Variants in RPS6KA5 observed in about 807,000 individuals in gnomAD.
RPS6KA5 encodes the protein ribosomal protein S6 kinase alpha-5.
Under a neutral mutation model 85.5 loss-of-function variants are expected in RPS6KA5, and 27 were observed. That is an observed-to-expected ratio of 0.32 (90% CI 0.23 to 0.44). The LOEUF (loss-of-function observed/expected upper bound fraction) is 0.44, where lower values mean the gene tolerates loss of function less well. Ranked by LOEUF, RPS6KA5 falls within the 20% of genes least tolerant of loss-of-function variation. The pLI, the probability that RPS6KA5 is intolerant of heterozygous loss-of-function variation, is 1.00. For synonymous variants in RPS6KA5, 334 were observed against 348.2 expected (o/e 0.96, Z 0.46); for missense variants, 811 against 980.9 (o/e 0.83, Z 2.31).
chr14:91,001,231 G>GT, intron 1 of RPS6KA5, 72 bp from the exon 2 acceptor site: 1 of 888,530 alleles, frequency 1.1e-6, no homozygotes, highest in Non-Finnish European at 1.8e-6. Flanking sequence ...GGATTCTTGT[G>GT]TACCAGCGAC....
intron 3 of RPS6KA5, among the ~76,000 whole-genome samples, chr14:90,950,004 C>T (rs2038088397): frequency 6.6e-6 from 1 of 152,164 alleles, no homozygotes; most frequent in African/African-American, 2.4e-5. Flanking sequence ...GTACAGCAAA[C>T]TCTATGAACT....
At chr14:90,880,170 T>C (rs949919896) in intron 14 of RPS6KA5, among the ~76,000 whole-genome samples, 2 of 152,210 alleles carry the variant, frequency 1.3e-5, no homozygotes, top group African/African-American at 4.8e-5. Context: ...TTTAAGTGTA[T>C]AGTTCGATGG....
At chr14:90,955,575 T>C (rs1388417117) in intron 3 of RPS6KA5, among the ~76,000 whole-genome samples, 1 of 152,230 alleles carries the variant, frequency 6.6e-6, no homozygotes, top group Admixed American at 6.5e-5. Context: ...TTTTTGTTAT[T>C]GATTTCTTTT....
At chr14:91,013,126 T>C (rs1259108595) in intron 1 of RPS6KA5, among the ~76,000 whole-genome samples, 2 of 152,152 alleles carry the variant, frequency 1.3e-5, no homozygotes, top group Admixed American at 6.5e-5. Context: ...AATTCTGGTG[T>C]CCACTGATGC....
At chr14:91,000,804 A>AT in intron 2 of RPS6KA5, among the ~76,000 whole-genome samples, 1 of 151,900 alleles carries the variant, frequency 6.6e-6, no homozygotes, top group African/African-American at 2.4e-5. Flanking sequence ...TCCGTCTCAA[A>AT]AAAAATAAAA....
At chr14:90,914,874 T>C (rs2036029150) in intron 7 of RPS6KA5, among the ~76,000 whole-genome samples, 1 of 152,176 alleles carries the variant, frequency 6.6e-6, no homozygotes, top group Admixed American at 6.5e-5. Context: ...TGTAGACGAA[T>C]GTGTAGATGA....
intron 14 of RPS6KA5, among the ~76,000 whole-genome samples, chr14:90,876,536 G>A (rs901184216): frequency 2.0e-5 from 3 of 152,208 alleles, no homozygotes; most frequent in Non-Finnish European, 4.4e-5. Context: ...AGCAGAGATT[G>A]GATTTTAGAA....
intron 2 of RPS6KA5, among the ~76,000 whole-genome samples, chr14:90,998,925 T>C (rs2040652776): frequency 6.6e-6 from 1 of 152,216 alleles, no homozygotes; most frequent in African/African-American, 2.4e-5. Context: ...ACAGCTTACA[T>C]AAGCGAACTT....
At chr14:90,898,943 T>A (rs939733684) in intron 12 of RPS6KA5, among the ~76,000 whole-genome samples, 10 of 152,074 alleles carry the variant, frequency 6.6e-5, no homozygotes, top group African/African-American at 2.4e-4. Context: ...ACTCTAGAAG[T>A]GAAAGGGAAG....
chr14:91,002,696 A>G (rs1288235478), intron 1 of RPS6KA5, among the ~76,000 whole-genome samples: 2 of 152,170 alleles, frequency 1.3e-5, no homozygotes, highest in African/African-American at 4.8e-5. Context: ...CACCTTAACC[A>G]TTTTTAAGTA....
At chr14:90,986,576 T>C (rs2040063273) in intron 2 of RPS6KA5, among the ~76,000 whole-genome samples, 1 of 152,236 alleles carries the variant, frequency 6.6e-6, no homozygotes, top group African/African-American at 2.4e-5. Flanking sequence ...TCTTAACTGC[T>C]GGAGTTAATG....
In RPS6KA5 at chr14:90,872,195, G is replaced by A. The variant is rs2033160824; in HGVS notation, c.2288C>T (p.Ser763Phe). The A allele has an allele frequency of 6.2e-7, 1 of 1,613,896 alleles. No individual in the cohort carries two copies. Among genetic ancestry groups the A allele is most frequent in the Non-Finnish European group, 8.5e-7 (1 of 1,179,972 alleles). ...GTGAGAATGAGAGGAAGAAGAATGG[G>A]AACTCTCACTGGAACTGCTGCGCGT... is the stretch of plus-strand genomic sequence containing the variant. The part of the protein sequence containing the change: ...TETRSSSSES[S>F]HSSSSHSHGK... The change falls in exon 17 of 17, where the codon TCC (serine) becomes TTC (phenylalanine). Residue 763 changes from serine (S) to phenylalanine (F), a missense_variant. Ser to Phe is a radical substitution (Grantham distance 155). This residue lies in a region of RPS6KA5 where 650 missense variants were observed against 793.4 expected (regional missense o/e 0.82). Transcript: ENST00000614987.
intron 1 of RPS6KA5, among the ~76,000 whole-genome samples, chr14:91,002,435 C>G (rs898511061): frequency 6.6e-6 from 1 of 152,152 alleles, no homozygotes; most frequent in South Asian, 2.1e-4. Flanking sequence ...ATACCCACTA[C>G]ATAGAATTTA....
intron 1 of RPS6KA5, among the ~76,000 whole-genome samples, chr14:91,006,811 C>T (rs933801774): frequency 7.2e-5 from 11 of 152,076 alleles, no homozygotes; most frequent in African/African-American, 2.7e-4. Context: ...TCAGGTGATC[C>T]GCCTGCCTCA....
chr14:90,848,925 A>G lies in RPS6KA5; in HGVS notation c.*23149T>C, dbSNP rs2140089576. 2.0e-5 allele frequency: 3 copies of G among 152,298 alleles called. No individual in the cohort carries two copies. The South Asian group carries it at 6.2e-4, about 32-fold the overall frequency. 9.4% of individuals were successfully genotyped at this position (152,298 alleles called of 1,614,324 possible). On this transcript the variant is annotated 3_prime_UTR_variant, in exon 17 of 17. Coordinates refer to ENST00000614987, the MANE Select transcript of RPS6KA5 (RefSeq NM_004755.4). ...GGGGAAGGTGAGCTCCTGGGACATA[A>G]ATACGCAGGGAAAGAACCTCATTAA...
At chr14:91,040,364 T>G (rs1031737158) in intron 1 of RPS6KA5, among the ~76,000 whole-genome samples, 1 of 152,142 alleles carries the variant, frequency 6.6e-6, no homozygotes, top group Non-Finnish European at 1.5e-5. Context: ...GCCGAGATCA[T>G]GCCACTGCAC....
chr14:91,057,404 C>G (rs1180298570), intron 1 of RPS6KA5, among the ~76,000 whole-genome samples: 1 of 152,084 alleles, frequency 6.6e-6, no homozygotes, highest in African/African-American at 2.4e-5. Context: ...TATTAAGTAC[C>G]TACTATATGC....
At chr14:90,958,895 T>C (rs931633350) in intron 3 of RPS6KA5, among the ~76,000 whole-genome samples, 1 of 152,038 alleles carries the variant, frequency 6.6e-6, no homozygotes, top group Admixed American at 6.5e-5. Context: ...AGATGAGGAC[T>C]GTGTTTAAAT....
intron 5 of RPS6KA5, among the ~76,000 whole-genome samples, chr14:90,928,166 G>A (rs1219240060): frequency 6.6e-6 from 1 of 151,636 alleles, no homozygotes; most frequent in East Asian, 1.9e-4. Context: ...TGATTCGCCC[G>A]CCTCAGACTC....
Sources: gnomAD v4.1 joint callset for allele counts (sites outside exome capture counted in the v4.1 genomes callset) on GRCh38, gnomAD v4.1.1 for gene constraint, gnomAD v4.1.1 regional missense constraint, MANE v1.5 for transcripts, NCBI Gene and HGNC (gene_info 2026-07-23, HGNC 2026-07-21) for gene names.